The following ATP8A1 variants were observed in gnomAD, a reference collection of about 807,000 sequenced individuals.
The protein encoded by ATP8A1 is ATPase phospholipid transporting 8A1, also known as phospholipid-transporting ATPase IA.
ATP8A1 carries 90 observed loss-of-function variants against 177.7 expected under a neutral mutation model. That is an observed-to-expected ratio of 0.51 (90% CI 0.43 to 0.60). The LOEUF (loss-of-function observed/expected upper bound fraction) is 0.60, where lower values mean the gene tolerates loss of function less well. ATP8A1 is among the 20% of genes least tolerant of loss of function. The pLI is 0.00. For missense variants in ATP8A1, 1,072 were observed against 1,392.8 expected, an observed-to-expected ratio of 0.77 and a Z score of 3.67; for synonymous variants, 493 against 485.9, an observed-to-expected ratio of 1.01 and a Z score of -0.19.
chr4:42,453,783 G>C (rs1718189057), intron 29 of ATP8A1, among the ~76,000 whole-genome samples: 1 of 152,148 alleles, frequency 6.6e-6, no homozygotes, highest in Non-Finnish European at 1.5e-5. Context: ...GGCTGAGGTT[G>C]GTTGGTGAGA....
chr4:42,426,617 G>C (rs1714652023), intron 33 of ATP8A1, among the ~76,000 whole-genome samples: 1 of 152,192 alleles, frequency 6.6e-6, no homozygotes, highest in South Asian at 2.1e-4. Flanking sequence ...GCATAACATT[G>C]ATTATTAACA....
intron 6 of ATP8A1, among the ~76,000 whole-genome samples, chr4:42,600,114 T>A (rs1325640143): frequency 6.9e-6 from 1 of 144,514 alleles, no homozygotes; most frequent in African/African-American, 2.6e-5. Context: ...GAATTGGAAG[T>A]AAAATATGCA....
At chr4:42,471,415 C>G (rs1720395228) in intron 25 of ATP8A1, among the ~76,000 whole-genome samples, 1 of 152,164 alleles carries the variant, frequency 6.6e-6, no homozygotes, top group African/African-American at 2.4e-5. Context: ...AAAAAGATTT[C>G]CTTTCTGCAA....
intron 16 of ATP8A1, among the ~76,000 whole-genome samples, chr4:42,555,143 TATCTATCTATC>T (rs1560454761): frequency 0.023 from 1,514 of 64,606 alleles, 42 homozygotes; most frequent in Non-Finnish European, 0.033. Context: ...CTATCTAATC[TATCTATCTATC>T]TATCTATCTA....
At chr4:42,507,284 A>G (rs933223907) in intron 22 of ATP8A1, 130 bp from the exon 23 acceptor site, 9 of 958,378 alleles carry the variant, frequency 9.4e-6, no homozygotes, top group Admixed American at 2.7e-5. Flanking sequence ...GTAAATTCCA[A>G]CTATCCCATT....
chr4:42,643,759 C>T lies in ATP8A1; in HGVS notation c.49+13066G>A, dbSNP rs544483305. Reference sequence around the variant, plus strand: ...CTCACTATCCAACAGGCAGATGATTCGCTGGTAGGTATTATCACTTTATCA... The same window carrying T: ...CTCACTATCCAACAGGCAGATGATTTGCTGGTAGGTATTATCACTTTATCA... On this transcript the variant is annotated intron_variant, in intron 1 of 36. Transcript: ENST00000381668. Among the ~76,000 whole-genome samples the T allele has an allele frequency of 1.5e-3, 231 of 152,250 alleles. 1 individual carries two copies. Among genetic ancestry groups the T allele is most frequent in the African/African-American group, 5.2e-3 (216 of 41,530 alleles).
intron 12 of ATP8A1, among the ~76,000 whole-genome samples, chr4:42,577,901 T>A (rs1732637647): frequency 6.6e-6 from 1 of 152,160 alleles, no homozygotes; most frequent in East Asian, 1.9e-4. Context: ...AGGCATATTA[T>A]CCCTATGATT....
chr4:42,484,850 G>C (rs1722033274), intron 25 of ATP8A1, among the ~76,000 whole-genome samples: 1 of 152,098 alleles, frequency 6.6e-6, no homozygotes, highest in Non-Finnish European at 1.5e-5. Flanking sequence ...GAGGAGACTG[G>C]GCATATTCAT....
At chr4:42,433,808 T>A (rs1426771371) in intron 33 of ATP8A1, among the ~76,000 whole-genome samples, 4 of 150,654 alleles carry the variant, frequency 2.7e-5, no homozygotes, top group East Asian at 3.9e-4. Context: ...TCTAGCCATA[T>A]GATACAAGAA....
intron 27 of ATP8A1, chr4:42,459,386 AAAAAGCGAC>A (rs1198224621): frequency 1.1e-5 from 2 of 175,462 alleles, no homozygotes; most frequent in African/African-American, 4.8e-5. Context: ...ATTTAGATTT[AAAAAGCGAC>A]AAGTTGGACA....
chr4:42,496,777 T>C (rs1433886158), intron 24 of ATP8A1, among the ~76,000 whole-genome samples: 1 of 143,202 alleles, frequency 7.0e-6, no homozygotes, highest in Non-Finnish European at 1.5e-5. Context: ...CGCACATATA[T>C]ACACATACAC....
intron 22 of ATP8A1, among the ~76,000 whole-genome samples, chr4:42,514,718 T>A (rs1725356636): frequency 6.6e-6 from 1 of 152,168 alleles, no homozygotes; most frequent in African/African-American, 2.4e-5. Flanking sequence ...ACTTACAGAT[T>A]ATTAGCATGG....
intron 14 of ATP8A1, among the ~76,000 whole-genome samples, chr4:42,572,360 G>A (rs533781915): frequency 6.6e-5 from 10 of 152,200 alleles, no homozygotes. Flanking sequence ...GTGCTAGACA[G>A]TAATTACTCT....
intron 27 of ATP8A1, among the ~76,000 whole-genome samples, chr4:42,460,026 C>T (rs1270131662): frequency 1.3e-5 from 2 of 152,110 alleles, no homozygotes; most frequent in African/African-American, 2.4e-5. Context: ...CTCCTGTCCT[C>T]GTGATCCACC....
In ATP8A1 at chr4:42,635,661, C is replaced by A. The variant is rs557075413; in HGVS notation, c.50-8552G>T. Among the ~76,000 whole-genome samples, 58 of 150,486 alleles carry A rather than the reference C, an allele frequency of 3.9e-4. 1 individual carries two copies. The South Asian group carries it at 7.8e-3, about 20-fold the overall frequency. On this transcript the variant is annotated intron_variant, in intron 1 of 36. Coordinates refer to ENST00000381668, the MANE Select transcript of ATP8A1 (RefSeq NM_006095.2). ...TTTCAAAGGCTTAATAATTGAAAGT[C>A]CTGAATATATATATGCACACATATG... is the stretch of plus-strand genomic sequence containing the variant.
intron 5 of ATP8A1, among the ~76,000 whole-genome samples, chr4:42,603,661 T>G (rs1481146207): frequency 1.3e-5 from 2 of 152,228 alleles, no homozygotes; most frequent in Non-Finnish European, 2.9e-5. Flanking sequence ...CTGTTGATTT[T>G]ATGCCTTTAG....
intron 22 of ATP8A1, among the ~76,000 whole-genome samples, chr4:42,508,752 T>C (rs1313575559): frequency 6.6e-6 from 1 of 152,230 alleles, no homozygotes; most frequent in African/African-American, 2.4e-5. Flanking sequence ...TTCTTCTCAA[T>C]CATTTTCTCC....
At chr4:42,588,687 C>A (rs909867132) in intron 7 of ATP8A1, 1 of 159,666 alleles carries the variant, frequency 6.3e-6, no homozygotes, top group Non-Finnish European at 1.4e-5. Flanking sequence ...CCGGATTTAT[C>A]TTTAGCTCAA....
At chr4:42,436,701 T>C (rs1291379734) in intron 33 of ATP8A1, among the ~76,000 whole-genome samples, 1 of 152,190 alleles carries the variant, frequency 6.6e-6, no homozygotes, top group East Asian at 1.9e-4. Context: ...TCCAGGCTAC[T>C]TGGCTAAACA....
Sources: gnomAD v4.1 joint callset for allele counts (sites outside exome capture counted in the v4.1 genomes callset) on GRCh38, gnomAD v4.1.1 for gene constraint, MANE v1.5 for transcripts, NCBI Gene and HGNC (gene_info 2026-07-23, HGNC 2026-07-21) for gene names.